Variants in CLEC12A observed in about 807,000 individuals in gnomAD.
The protein encoded by CLEC12A is C-type lectin domain family 12 member A, also known as C-type lectin protein CLL-1.
In CLEC12A, 22 loss-of-function variants were observed where a neutral mutation model predicts 26.5. The ratio of observed to expected loss-of-function variants is 0.83; its 90% CI spans 0.59 to 1.19. The LOEUF (loss-of-function observed/expected upper bound fraction) is 1.19. CLEC12A is among the 50% of genes most tolerant of loss of function. The pLI is 0.00. For missense variants in CLEC12A, 353 were observed against 315.6 expected, an observed-to-expected ratio of 1.12 and a Z score of -0.90; for synonymous variants, 119 against 101.9, an observed-to-expected ratio of 1.17 and a Z score of -1.01.
intron 1 of CLEC12A, among the ~76,000 whole-genome samples, chr12:9,962,259 T>TC (rs1369168665): frequency 3.3e-5 from 5 of 150,080 alleles, no homozygotes; most frequent in African/African-American, 1.2e-4. Context: ...TTTTCTTTTT[T>TC]TTTTTTTTTT....
rs1019344611 is a variant in CLEC12A, at chr12:9,985,456, T to C, written c.*430T>C. On this transcript the variant is annotated 3_prime_UTR_variant, in exon 6 of 6. Coordinates refer to ENST00000304361, the MANE Select transcript of CLEC12A (RefSeq NM_138337.6). ...TCCTATACTTCCATGGGACTCCCTA[T>C]GGCTGAAGGCCTTATGAGTCAAAGG... is the stretch of plus-strand genomic sequence containing the variant. The C allele has an allele frequency of 2.0e-5, 8 of 399,358 alleles. No individual in the cohort carries two copies. Among genetic ancestry groups the C allele is most frequent in the African/African-American group, 1.6e-4 (8 of 48,644 alleles). 24.7% of individuals were successfully genotyped at this position (399,358 alleles called of 1,614,324 possible).
Position 9,982,136 on chromosome 12 carries a change from G to A in CLEC12A, c.641+7G>A, listed in dbSNP as rs374966207. 45 of 1,421,714 alleles carry A rather than the reference G, an allele frequency of 3.2e-5. No individual in the cohort carries two copies. The highest frequency in any genetic ancestry group is 4.5e-5 in the Non-Finnish European group (45 of 1,006,640). 88.1% of individuals were successfully genotyped at this position (1,421,714 alleles called of 1,614,324 possible). On this transcript the variant is annotated splice_region_variant and intron_variant, in intron 5 of 5. Transcript: ENST00000304361. ...TAATCAACTCCTCTGCCTGGTAAGT[G>A]TCTATTCTTGTTAGAATTTTATAGC... is the stretch of plus-strand genomic sequence containing the variant.
At chr12:9,971,775 T>C (rs1864137778) in intron 1 of CLEC12A, 88 bp downstream of exon 1, 13 of 1,036,948 alleles carry the variant, frequency 1.3e-5, no homozygotes, top group Non-Finnish European at 1.7e-5. Context: ...ATATAGTTAC[T>C]ATTCAACTTA....
At position 9,984,905 on chromosome 12, in the gene CLEC12A, A is replaced by T. The variant is rs1321565883; in HGVS notation, c.677A>T (p.Tyr226Phe). ...AACGCACCTGACTTAAATAACATGT[A>T]TTGTGGATATATAAATAGACTATAT... ...IRNAPDLNNM[Y>F]CGYINRLYVQ... is the part of the protein sequence containing the mutation. The change falls in exon 6 of 6, where the codon TAT becomes TTT. Residue 226 changes from tyrosine (Y) to phenylalanine (F), a missense_variant. Coordinates refer to ENST00000304361, the MANE Select transcript of CLEC12A (RefSeq NM_138337.6). The T allele has an allele frequency of 6.3e-7, 1 of 1,576,052 alleles. No individual in the cohort carries two copies. Among genetic ancestry groups the T allele is most frequent in the African/African-American group, 1.4e-5 (1 of 73,696 alleles).
chr12:9,995,326 C>A, exon 5 of CLEC12A: 1 of 1,191,280 alleles, frequency 8.4e-7, no homozygotes. Context: ...CATGATAAGA[C>A]GTTGGACAAA....
At chr12:9,965,093 A>G (rs1311833992) in intron 1 of CLEC12A, among the ~76,000 whole-genome samples, 1 of 152,256 alleles carries the variant, frequency 6.6e-6, no homozygotes, top group African/African-American at 2.4e-5. Flanking sequence ...ACCGTAGAGA[A>G]TGAGTTGGGC....
At chr12:9,983,724 A>ATT (rs1423814187) in intron 5 of CLEC12A, 5 of 476,898 alleles carry the variant, frequency 1.0e-5, no homozygotes, top group African/African-American at 9.9e-5. Flanking sequence ...GGCAAATAGA[A>ATT]TTTTTTGTTT....
At chr12:9,956,437 G>C (rs1204595305) in intron 1 of CLEC12A, among the ~76,000 whole-genome samples, 1 of 152,126 alleles carries the variant, frequency 6.6e-6, no homozygotes, top group Non-Finnish European at 1.5e-5. Flanking sequence ...CTGTCTATCA[G>C]ATATTAACAT....
chr12:9,988,223 T>C (rs908895124), downstream of CLEC12A, among the ~76,000 whole-genome samples: 1 of 152,158 alleles, frequency 6.6e-6, no homozygotes, highest in African/African-American at 2.4e-5. Context: ...GTGGTTCCCC[T>C]ATACTGTTCT....
chr12:9,972,054 GTGT>G (rs869065604), intron 1 of CLEC12A, among the ~76,000 whole-genome samples: 5,230 of 101,708 alleles, frequency 0.051, 285 homozygotes, highest in African/African-American at 0.15. Context: ...GTGTGTGTGT[GTGT>G]GTGTTTTTTT....
intron 1 of CLEC12A, among the ~76,000 whole-genome samples, chr12:9,962,614 G>T (rs546195863): frequency 3.5e-4 from 53 of 152,170 alleles, no homozygotes; most frequent in Non-Finnish European, 7.1e-4. Flanking sequence ...AAGGGGGCTT[G>T]TTCTCTGGCG....
rs369284916 is a variant in CLEC12A at position 9,982,071 on chromosome 12, C to T, written c.583C>T (p.Pro195Ser). The change falls in exon 5 of 6, where the codon CCT (proline) becomes TCT (serine). Residue 195 changes from proline to serine, a missense_variant. Transcript: ENST00000304361. ...ATATGACTATTGGCTGGGATTATCT[C>T]CTGAAGAAGATTCCACTCGTGGTAT... ...RSYDYWLGLS[P>S]EEDSTRGMRV... 15 of 1,601,776 alleles carry T rather than the reference C, an allele frequency of 9.4e-6. No homozygotes were observed. The African/African-American group carries it at 1.5e-4, about 16-fold the overall frequency.
chr12:9,963,468 C>G (rs11053525), intron 1 of CLEC12A, among the ~76,000 whole-genome samples: 1 of 137,208 alleles, frequency 7.3e-6, no homozygotes, highest in Non-Finnish European at 1.6e-5. Flanking sequence ...AGAGAAGACA[C>G]TAGAGAGGCT....
chr12:9,953,818 T>G (rs1863692868), intron 1 of CLEC12A, among the ~76,000 whole-genome samples: 1 of 152,148 alleles, frequency 6.6e-6, no homozygotes, highest in South Asian at 2.1e-4. Flanking sequence ...GCCGTGTCTG[T>G]GTAGAAAGAA....
the CLEC12A span, among the ~76,000 whole-genome samples, chr12:10,004,195 A>G: frequency 6.6e-6 from 1 of 152,180 alleles, no homozygotes; most frequent in Non-Finnish European, 1.5e-5. Context: ...AGTGTTACAA[A>G]GTTCTTTTAG....
At chr12:9,995,005 T>G (rs1416941754) in intron 4 of CLEC12A, 1 of 1,564,914 alleles carries the variant, frequency 6.4e-7, no homozygotes, top group African/African-American at 1.4e-5. Context: ...CAGCGCTGTC[T>G]TGTTTGAATT....
intron 3 of CLEC12A, among the ~76,000 whole-genome samples, chr12:9,980,269 G>A (rs1864501113): frequency 6.6e-6 from 1 of 151,786 alleles, no homozygotes; most frequent in Non-Finnish European, 1.5e-5. Flanking sequence ...CTAGAATACA[G>A]GATTCACTTA....
At chr12:9,963,034 G>A (rs1863864958) in intron 1 of CLEC12A, among the ~76,000 whole-genome samples, 1 of 152,118 alleles carries the variant, frequency 6.6e-6, no homozygotes, top group African/African-American at 2.4e-5. Flanking sequence ...TCATGCTAAG[G>A]GGTGATATTG....
chr12:9,963,470 A>G lies in CLEC12A; in HGVS notation c.11-8107A>G, dbSNP rs186316476. Among the ~76,000 whole-genome samples the G allele has an allele frequency of 4.8e-3, 693 of 143,214 alleles. 14 individuals are homozygous for G. The highest frequency in any genetic ancestry group is 0.031 in the South Asian group (125 of 4,006). 94.0% of individuals were successfully genotyped at this position (143,214 alleles called of 152,430 possible). A position where few individuals can be genotyped will look rare whatever the true frequency, so the allele number is the denominator to read the frequency against. On this transcript the variant is annotated intron_variant, in intron 1 of 6. Coordinates refer to the CLEC12A transcript ENST00000355690. ...CTGTGATGCTAGCAGAGAAGACACTAGAGAGGCTATGGAAGGTCGTGACAG... is the reference window on the plus strand; with the variant it reads ...CTGTGATGCTAGCAGAGAAGACACTGGAGAGGCTATGGAAGGTCGTGACAG...
Sources: gnomAD v4.1 joint callset for allele counts (sites outside exome capture counted in the v4.1 genomes callset) on GRCh38, gnomAD v4.1.1 for gene constraint, MANE v1.5 for transcripts, NCBI Gene and HGNC (gene_info 2026-07-23, HGNC 2026-07-21) for gene names.